The following HNRNPA2B1 variants were observed in gnomAD, a reference collection of about 807,000 sequenced individuals.
The protein encoded by HNRNPA2B1 is heterogeneous nuclear ribonucleoprotein A2/B1.
A neutral mutation model predicts 46.3 loss-of-function variants in HNRNPA2B1; 3 were observed. The observed-to-expected ratio is 0.06, with a 90% CI of 0.03 to 0.17. The LOEUF is 0.17. Among genes scored for constraint, HNRNPA2B1 ranks in the 10% least tolerant of loss-of-function variants. The pLI, the probability that HNRNPA2B1 is intolerant of heterozygous loss-of-function variation, is 1.00. For missense variants in HNRNPA2B1, 221 were observed against 418.9 expected, an observed-to-expected ratio of 0.53 and a Z score of 4.12; for synonymous variants, 225 against 133.8, an observed-to-expected ratio of 1.68 and a Z score of -4.70.
intron 7 of HNRNPA2B1, among the ~76,000 whole-genome samples, chr7:26,195,542 C>G (rs919526762): frequency 3.3e-5 from 5 of 152,174 alleles, no homozygotes; most frequent in Non-Finnish European, 7.3e-5. Flanking sequence ...TCTGTTAAAT[C>G]CAGTATTCTG....
Position 26,200,118 on chromosome 7 carries a change from G to A in HNRNPA2B1, c.6+454C>T, listed in dbSNP as rs547976914. 2.8e-3 allele frequency: 580 copies of A among 206,172 alleles called. 6 individuals carry two copies. Among genetic ancestry groups the A allele is most frequent in the South Asian group, 0.014 (190 of 13,788 alleles). The allele number at this position is 206,172 out of a possible 1,614,324, so 12.8% of individuals were successfully genotyped here. A position where few individuals can be genotyped will look rare whatever the true frequency, so the allele number is the denominator to read the frequency against. On this transcript the variant is annotated intron_variant, in intron 1 of 10. Transcript: ENST00000618183. ...AGAGTTATAAGGAAAACGCTGAGAG[G>A]AAGGCGAGCCATGAAAATGGCGGCC...
intron 7 of HNRNPA2B1, 67 bp downstream of exon 7, chr7:26,195,780 G>A: frequency 1.3e-6 from 2 of 1,524,808 alleles, no homozygotes; most frequent in Non-Finnish European, 1.8e-6. Context: ...AAATATAAAT[G>A]AAGTAAATAT....
At chr7:26,198,792 A>G (rs186901871) in intron 1 of HNRNPA2B1, 2 of 152,370 alleles carry the variant, frequency 1.3e-5, no homozygotes, top group East Asian at 3.9e-4. Flanking sequence ...TGCAAACTAA[A>G]AAGTCACACG....
intron 7 of HNRNPA2B1, among the ~76,000 whole-genome samples, chr7:26,194,995 G>A (rs1783369522): frequency 6.6e-6 from 1 of 150,378 alleles, no homozygotes; most frequent in Admixed American, 6.6e-5. Flanking sequence ...TCAGGAGGCT[G>A]AGGCAGGAGA....
At chr7:26,197,207 T>TA in intron 3 of HNRNPA2B1, 108 bp downstream of exon 3, 1 of 1,363,402 alleles carries the variant, frequency 7.3e-7, no homozygotes, top group Non-Finnish European at 1.0e-6. Context: ...AACACACCTT[T>TA]AATAAGAGAA....
At chr7:26,197,579 G>C in intron 2 of HNRNPA2B1, 43 bp downstream of exon 2, 1 of 1,564,164 alleles carries the variant, frequency 6.4e-7, no homozygotes, top group Middle Eastern at 1.7e-4. Context: ...TTAACATACA[G>C]CTAAAAGACT....
intron 7 of HNRNPA2B1, among the ~76,000 whole-genome samples, chr7:26,195,037 T>C (rs1158243045): frequency 7.5e-6 from 1 of 133,644 alleles, no homozygotes; most frequent in African/African-American, 2.9e-5. Context: ...GAGATTGCAG[T>C]GAGCAGAGAC....
At position 26,200,653 on chromosome 7, in the gene HNRNPA2B1, C is replaced by G. The variant is rs1350208656; in HGVS notation, c.-76G>C. 1 of 1,591,606 alleles carries G rather than the reference C, an allele frequency of 6.3e-7. No homozygotes were observed. The highest frequency in any genetic ancestry group is 1.7e-5 in the Admixed American group (1 of 59,990). The stretch of plus-strand genomic sequence containing the variant: ...GAGATCTCCGCGGACGAACACGAAC[C>G]GGACTCGTCCTGGCGCTGTAGTGAG... On this transcript the variant is annotated 5_prime_UTR_variant, in exon 1 of 11. Coordinates refer to ENST00000618183, the MANE Select transcript of HNRNPA2B1 (RefSeq NM_002137.4).
Position 26,191,716 on chromosome 7 carries a change from T to A in HNRNPA2B1, c.*644A>T, listed in dbSNP as rs1460000367. Reference sequence around the variant, plus strand: ...ATCTACATAATTTAATCCTGATGAATTGCAGACAACACACTTACATCTGAC... The same window carrying A: ...ATCTACATAATTTAATCCTGATGAAATGCAGACAACACACTTACATCTGAC... On this transcript the variant is annotated 3_prime_UTR_variant, in exon 11 of 11. Transcript: ENST00000618183. 1 of 152,314 alleles carries A rather than the reference T, an allele frequency of 6.6e-6. No individual in the cohort carries two copies. The highest frequency in any genetic ancestry group is 1.9e-4 in the East Asian group (1 of 5,196). 9.4% of individuals were successfully genotyped at this position (152,314 alleles called of 1,614,324 possible).
chr7:26,198,008 A>G, intron 1 of HNRNPA2B1: 1 of 452,128 alleles, frequency 2.2e-6, no homozygotes, highest in Admixed American at 4.1e-5. Context: ...CTCAACATTA[A>G]ATTATCTTAA....
intron 7 of HNRNPA2B1, among the ~76,000 whole-genome samples, chr7:26,195,551 T>C (rs1207650658): frequency 6.6e-6 from 1 of 152,248 alleles, no homozygotes; most frequent in Admixed American, 6.5e-5. Context: ...TCCAGTATTC[T>C]GTACTTTTCC....
Position 26,197,304 on chromosome 7 carries a change from T to C in HNRNPA2B1, c.264+11A>G, listed in dbSNP as rs1783762594. The C allele has an allele frequency of 6.2e-7, 1 of 1,600,262 alleles. No individual in the cohort carries two copies. Among genetic ancestry groups the C allele is most frequent in the African/African-American group, 1.3e-5 (1 of 74,328 alleles). Reference sequence around the variant, plus strand: ...TCATGTTAATGCACAAGACAGTCATTGTTTGCTTACCTCTCTTGCTACAGC... The same window carrying C: ...TCATGTTAATGCACAAGACAGTCATCGTTTGCTTACCTCTCTTGCTACAGC... On this transcript the variant is annotated intron_variant, in intron 3 of 10. Coordinates refer to ENST00000618183, the MANE Select transcript of HNRNPA2B1 (RefSeq NM_002137.4).
chr7:26,194,242 A>G (rs1380141657), intron 7 of HNRNPA2B1, among the ~76,000 whole-genome samples: 1 of 152,110 alleles, frequency 6.6e-6, no homozygotes, highest in African/African-American at 2.4e-5. Flanking sequence ...TAAAAATACA[A>G]AACATTAGCC....
intron 7 of HNRNPA2B1, among the ~76,000 whole-genome samples, chr7:26,195,322 T>C (rs1783437540): frequency 6.6e-6 from 1 of 152,192 alleles, no homozygotes; most frequent in Admixed American, 6.5e-5. Context: ...TGTCAGTGTG[T>C]ATCAGCCTTT....
intron 7 of HNRNPA2B1, 175 bp downstream of exon 7, chr7:26,195,672 A>G: frequency 4.9e-6 from 3 of 613,892 alleles, no homozygotes; most frequent in Non-Finnish European, 8.3e-6. Flanking sequence ...TCTATTCCTT[A>G]GGCTATAACA....
chr7:26,194,204 G>A (rs569384877), intron 7 of HNRNPA2B1, among the ~76,000 whole-genome samples: 130 of 152,160 alleles, frequency 8.5e-4, no homozygotes, highest in African/African-American at 3.0e-3. Flanking sequence ...AGACCACCCT[G>A]GCTAACACGG....
rs751495051 is a variant in HNRNPA2B1 at position 26,197,027 on chromosome 7, T to G, written c.265-10A>C. The G allele has an allele frequency of 2.5e-6, 4 of 1,601,698 alleles. No homozygotes were observed. The highest frequency in any genetic ancestry group is 3.4e-6 in the Non-Finnish European group (4 of 1,171,906). On this transcript the variant is annotated splice_polypyrimidine_tract_variant and intron_variant, in intron 3 of 10. Coordinates refer to ENST00000618183, the MANE Select transcript of HNRNPA2B1 (RefSeq NM_002137.4). ...CTGGTTTTCCAGATTCCTAAAATAG[T>G]GGTGGGGTAAAAGTCATCCAAACAG...
intron 7 of HNRNPA2B1, among the ~76,000 whole-genome samples, chr7:26,195,116 C>CAAAAAAAAAAAAAAAAAAAAAAAAAAT (rs1783399450): frequency 7.8e-6 from 1 of 127,606 alleles, no homozygotes; most frequent in Non-Finnish European, 1.6e-5. Flanking sequence ...AAAAAGAAAC[C>CAAAAAAAAAAAAAAAAAAAAAAAAAAT]ATATTAAAAA....
At chr7:26,194,966 C>T (rs192648762) in intron 7 of HNRNPA2B1, among the ~76,000 whole-genome samples, 1 of 150,778 alleles carries the variant, frequency 6.6e-6, no homozygotes, top group East Asian at 2.0e-4. Flanking sequence ...TGGTGGTGCA[C>T]GCCGGTAATC....
Sources: gnomAD v4.1 joint callset for allele counts (sites outside exome capture counted in the v4.1 genomes callset) on GRCh38, gnomAD v4.1.1 for gene constraint, MANE v1.5 for transcripts, NCBI Gene and HGNC (gene_info 2026-07-23, HGNC 2026-07-21) for gene names.